The following ZNF484 variants were observed in gnomAD, a reference collection of about 807,000 sequenced individuals.
The protein encoded by ZNF484 is KRAB box containing C2H2 type zinc finger bA526D8.4.
In ZNF484, 11 loss-of-function variants were observed where a neutral mutation model predicts 12.9. That is an observed-to-expected ratio of 0.85 (90% confidence interval 0.54 to 1.41). The LOEUF (loss-of-function observed/expected upper bound fraction) is 1.41, where lower values mean the gene tolerates loss of function less well. Ranked by LOEUF, ZNF484 falls within the 40% of genes most tolerant of loss-of-function variation. The pLI, the probability that ZNF484 is intolerant of heterozygous loss-of-function variation, is 0.00. For missense variants in ZNF484, 807 were observed against 1,007.7 expected, an observed-to-expected ratio of 0.80 and a Z score of 2.70; for synonymous variants, 289 against 334.1, an observed-to-expected ratio of 0.86 and a Z score of 1.47.
intron 2 of ZNF484, among the ~76,000 whole-genome samples, chr9:92,863,735 A>C (rs1231618225): frequency 6.6e-6 from 1 of 152,220 alleles, no homozygotes; most frequent in Non-Finnish European, 1.5e-5. Context: ...AACCAGATGA[A>C]ATCACTTATG....
At chr9:92,860,583 G>A (rs543982767) in intron 2 of ZNF484, among the ~76,000 whole-genome samples, 113 of 128,482 alleles carry the variant, frequency 8.8e-4, no homozygotes, top group Non-Finnish European at 1.3e-3. Context: ...CAGCCTGGGC[G>A]ACAGAGCGAG....
chr9:92,844,849 G>A lies in ZNF484; in HGVS notation c.*1379C>T, dbSNP rs1302388496. ...TAGAGGAAAACTTAAAGGACAGGAAGGAATAAAAAAGTAATTAAAATGATA... is the reference window on the plus strand; with the variant it reads ...TAGAGGAAAACTTAAAGGACAGGAAAGAATAAAAAAGTAATTAAAATGATA... On this transcript the variant is annotated 3_prime_UTR_variant, in exon 5 of 5. Transcript: ENST00000375495. 6.6e-6 allele frequency among the ~76,000 whole-genome samples: 1 copy of A among 151,868 alleles called. No individual in the cohort carries two copies. Among genetic ancestry groups the A allele is most frequent in the Non-Finnish European group, 1.5e-5 (1 of 67,934 alleles).
chr9:92,877,726 AC>A (rs1327539389), intron 1 of ZNF484, 163 bp downstream of exon 1: 2 of 1,482,564 alleles, frequency 1.3e-6, no homozygotes, highest in Non-Finnish European at 1.8e-6. Flanking sequence ...ACCACCAGAG[AC>A]CCCTCAGTGC....
intron 2 of ZNF484, among the ~76,000 whole-genome samples, chr9:92,860,569 A>G (rs1191348183): frequency 7.0e-6 from 1 of 143,338 alleles, no homozygotes; most frequent in Non-Finnish European, 1.5e-5. Flanking sequence ...ACACCAGTGC[A>G]CTCCAGCCTG....
intron 2 of ZNF484, among the ~76,000 whole-genome samples, chr9:92,861,552 A>G (rs1280276853): frequency 6.6e-6 from 1 of 152,240 alleles, no homozygotes; most frequent in East Asian, 1.9e-4. Context: ...ATGGAGATCC[A>G]AAGGAAAGAA....
rs769961433 is a variant in ZNF484 at position 92,846,859 on chromosome 9, T to C, written c.1928A>G (p.Lys643Arg). The change falls in exon 5 of 5, where the codon AAG becomes AGG. Residue 643 changes from lysine to arginine, a missense_variant. Transcript: ENST00000375495. ...GAGATTTGATCTGTCAGTAAAAGCC[T>C]TTCCACATTCAGCACACCTATAGGG... The part of the protein sequence containing the change: ...EKPYRCAECG[K>R]AFTDRSNLFT... 9.9e-6 allele frequency: 16 copies of C among 1,614,102 alleles called. No individual in the cohort carries two copies. Among genetic ancestry groups the C allele is most frequent in the Non-Finnish European group, 1.3e-5 (15 of 1,180,008 alleles).
At chr9:92,852,231 T>A (rs2117857263) in intron 4 of ZNF484, among the ~76,000 whole-genome samples, 1 of 152,350 alleles carries the variant, frequency 6.6e-6, no homozygotes, top group East Asian at 1.9e-4. Context: ...TAGGTCAAAT[T>A]CAAGGAGTAA....
intron 2 of ZNF484, among the ~76,000 whole-genome samples, chr9:92,868,179 A>G (rs1302234717): frequency 6.6e-6 from 1 of 152,202 alleles, no homozygotes; most frequent in Non-Finnish European, 1.5e-5. Context: ...TGTCTTACCC[A>G]GCTTCTTGAG....
intron 2 of ZNF484, among the ~76,000 whole-genome samples, chr9:92,860,188 A>G (rs1856695350): frequency 6.6e-6 from 1 of 152,222 alleles, no homozygotes; most frequent in Admixed American, 6.5e-5. Context: ...GTCATTATAT[A>G]CTATCTTGCA....
intron 4 of ZNF484, among the ~76,000 whole-genome samples, chr9:92,850,262 T>G (rs188925685): frequency 1.1e-4 from 16 of 152,210 alleles, no homozygotes; most frequent in South Asian, 4.1e-4. Flanking sequence ...AAGAAGAGAT[T>G]GCAATTCAGT....
At chr9:92,867,739 A>AAACTTTCC (rs1301599533) in intron 2 of ZNF484, among the ~76,000 whole-genome samples, 1 of 152,228 alleles carries the variant, frequency 6.6e-6, no homozygotes, top group Non-Finnish European at 1.5e-5. Context: ...CAGTAACCTG[A>AAACTTTCC]AACTTTCCAT....
At chr9:92,849,564 T>C (rs112604812) in intron 4 of ZNF484, among the ~76,000 whole-genome samples, 3,383 of 152,124 alleles carry the variant, frequency 0.022, 132 homozygotes, top group African/African-American at 0.077. Context: ...GATGAGAGGA[T>C]TGCTTGAGCC....
At chr9:92,875,800 A>T (rs948098417) in intron 1 of ZNF484, among the ~76,000 whole-genome samples, 3 of 152,204 alleles carry the variant, frequency 2.0e-5, no homozygotes, top group African/African-American at 7.2e-5. Flanking sequence ...TCAATGAACA[A>T]ATCAGGGGAA....
rs1262907982 is a variant in ZNF484, at chr9:92,847,889, C to T, written c.898G>A (p.Val300Ile). ...TATTCAGTGCATATTCCTGCATAAA[C>T]CCTCTGACTGCCATCAAGCTGGGAC... ...QKSQLDGSQR[V>I]YAGICTEYEK... Residue 300 changes from valine (V) to isoleucine (I), a missense_variant, in exon 5 of 5, where the codon GTT becomes ATT. Transcript: ENST00000375495. The T allele has an allele frequency of 1.2e-6, 2 of 1,614,160 alleles. No individual in the cohort carries two copies. Among genetic ancestry groups the T allele is most frequent in the Admixed American group, 1.7e-5 (1 of 60,026 alleles).
Position 92,846,366 on chromosome 9 carries a change from A to ACTG in ZNF484, c.2418_2420dup (p.Ser807dup). On this transcript the variant is annotated inframe_insertion, in exon 5 of 5. Transcript: ENST00000375495. ...TCCAGTTTAAGGCTTTCCCCAAGTC[A>ACTG]CTGCACTTATAGGGTTTCTGTTTAG... 1 of 1,614,170 alleles carries ACTG rather than the reference A, an allele frequency of 6.2e-7. No homozygotes were observed. The highest frequency in any genetic ancestry group is 1.3e-5 in the African/African-American group (1 of 75,046).
intron 4 of ZNF484, among the ~76,000 whole-genome samples, chr9:92,850,735 C>T (rs1277995208): frequency 6.6e-6 from 1 of 152,000 alleles, no homozygotes; most frequent in South Asian, 2.1e-4. Context: ...AGACATGTGC[C>T]GCCATACATG....
chr9:92,873,923 A>G (rs1170026616), intron 2 of ZNF484, among the ~76,000 whole-genome samples: 2 of 150,768 alleles, frequency 1.3e-5, no homozygotes, highest in South Asian at 2.2e-4. Flanking sequence ...ATTAGCAAAT[A>G]CAAATAATTT....
In ZNF484 at chr9:92,847,561, T is replaced by C. The variant is rs1464814644; in HGVS notation, c.1226A>G (p.Glu409Gly). The change falls in exon 5 of 5, where the codon GAA becomes GGA. Residue 409 changes from glutamate (E) to glycine (G), a missense_variant. Coordinates refer to ENST00000375495, the MANE Select transcript of ZNF484 (RefSeq NM_031486.4). ...ACATTCAGTACATACATAAGGTTTT[T>C]CTCCTGTATGGATTTTCTGATGCAT... Reference protein sequence around the residue: ...LSMHQKIHTGEKPYVCTECGK... With the variant: ...LSMHQKIHTGGKPYVCTECGK... The C allele has an allele frequency of 2.8e-5, 46 of 1,614,150 alleles. No individual in the cohort carries two copies. The highest frequency in any genetic ancestry group is 3.8e-5 in the Non-Finnish European group (45 of 1,180,016).
Position 92,846,762 on chromosome 9 carries a change from C to T in ZNF484, c.2025G>A (p.Arg675=), listed in dbSNP as rs1305795110. ...GCTGATGTATATGGAGACCTGACTT[C>T]CTAGTGAAGGCTTTCCCACAGTCAC... ...KCSDCGKAFT[R]KSGLHIHQQS... is the part of the protein sequence containing the mutation. Residue 675 remains arginine (R), a synonymous_variant, in exon 5 of 5, where the codon AGG becomes AGA. Transcript: ENST00000375495. The T allele has an allele frequency of 7.4e-6, 12 of 1,613,802 alleles. No homozygotes were observed. The East Asian group carries it at 2.7e-4, about 36-fold the overall frequency.
Sources: gnomAD v4.1 joint callset for allele counts (sites outside exome capture counted in the v4.1 genomes callset) on GRCh38, gnomAD v4.1.1 for gene constraint, MANE v1.5 for transcripts, NCBI Gene and HGNC (gene_info 2026-07-23, HGNC 2026-07-21) for gene names.